TCF7L1: variants seen among roughly 807,000 people sequenced by gnomAD.
The protein encoded by TCF7L1 is transcription factor 7 like 1, also known as transcription factor 7-like 1.
In TCF7L1, 18 loss-of-function variants were observed where a neutral mutation model predicts 63.7. That is an observed-to-expected ratio of 0.28 (90% CI 0.20 to 0.42). The LOEUF is 0.42. Ranked by LOEUF, TCF7L1 falls within the 10% of genes least tolerant of loss-of-function variation. The pLI is 1.00. For synonymous variants in TCF7L1, 355 were observed against 340.9 expected, an observed-to-expected ratio of 1.04 and a Z score of -0.46; for missense variants, 654 against 779.3, an observed-to-expected ratio of 0.84 and a Z score of 1.91.
chr2:85,249,255 C>T (rs1028200268), intron 3 of TCF7L1, among the ~76,000 whole-genome samples: 4 of 152,174 alleles, frequency 2.6e-5, no homozygotes, highest in Admixed American at 6.5e-5. Flanking sequence ...CTGCCACTGC[C>T]GCTACTGCTA....
chr2:85,300,696 T>A (rs1295203563), intron 4 of TCF7L1, among the ~76,000 whole-genome samples: 1 of 151,980 alleles, frequency 6.6e-6, no homozygotes, highest in East Asian at 1.9e-4. Context: ...TCTCATGGAA[T>A]CTACGAAATG....
chr2:85,262,226 C>A, intron 3 of TCF7L1: 1 of 552,064 alleles, frequency 1.8e-6, no homozygotes, highest in Non-Finnish European at 3.7e-6. Context: ...ACACCTGAAT[C>A]TGCGATCTAT....
intron 3 of TCF7L1, among the ~76,000 whole-genome samples, chr2:85,167,735 A>G (rs1574087592): frequency 6.6e-6 from 1 of 152,250 alleles, no homozygotes; most frequent in East Asian, 1.9e-4. Context: ...ATGGTGGCAC[A>G]TGCCCGTAGT....
At chr2:85,135,926 A>C (rs970916302) in intron 3 of TCF7L1, among the ~76,000 whole-genome samples, 1 of 48,118 alleles carries the variant, frequency 2.1e-5, no homozygotes, top group Non-Finnish European at 4.0e-5. Flanking sequence ...GTGCGTGCCA[A>C]TCAAAGGGGG....
chr2:85,242,873 CACTGT>C (rs1680369239), intron 3 of TCF7L1, among the ~76,000 whole-genome samples: 1 of 152,222 alleles, frequency 6.6e-6, no homozygotes. Context: ...TTTCCTAGTA[CACTGT>C]ACTGTTTTAA....
intron 3 of TCF7L1, among the ~76,000 whole-genome samples, chr2:85,166,424 G>C (rs1035286322): frequency 1.3e-5 from 2 of 152,210 alleles, no homozygotes; most frequent in African/African-American, 4.8e-5. Flanking sequence ...GTCCTCAGGG[G>C]TTCAGAGAAG....
chr2:85,282,198 GGCT>G (rs1455557088), intron 3 of TCF7L1, among the ~76,000 whole-genome samples: 51 of 152,236 alleles, frequency 3.4e-4, no homozygotes, highest in African/African-American at 1.2e-3. Flanking sequence ...ATGTTGGCCA[GGCT>G]GGTCTTGAAC....
At chr2:85,231,257 T>C (rs1003206268) in intron 3 of TCF7L1, among the ~76,000 whole-genome samples, 1 of 152,230 alleles carries the variant, frequency 6.6e-6, no homozygotes, top group Admixed American at 6.5e-5. Context: ...CGCTTCCTCC[T>C]AGCATCCTGG....
chr2:85,150,246 T>C (rs568415480), intron 3 of TCF7L1, among the ~76,000 whole-genome samples: 1 of 152,066 alleles, frequency 6.6e-6, no homozygotes, highest in East Asian at 1.9e-4. Flanking sequence ...CTTTTTTTTT[T>C]TTTTTGAGAC....
intron 3 of TCF7L1, among the ~76,000 whole-genome samples, chr2:85,152,067 C>T: frequency 6.6e-6 from 1 of 152,190 alleles, no homozygotes; most frequent in South Asian, 2.1e-4. Context: ...CAAACTGTCC[C>T]ATCTTTAGCC....
chr2:85,204,473 T>C (rs1679350443), intron 3 of TCF7L1, among the ~76,000 whole-genome samples: 2 of 152,178 alleles, frequency 1.3e-5, no homozygotes, highest in South Asian at 2.1e-4. Flanking sequence ...CACCTTTGTG[T>C]GCCCAAACTA....
rs1682108905 is a variant in TCF7L1 at position 85,306,438 on chromosome 2, C to T, written c.1150-14C>T. The T allele has an allele frequency of 6.2e-7, 1 of 1,614,060 alleles. No homozygotes were observed. Among genetic ancestry groups the T allele is most frequent in the Non-Finnish European group, 8.5e-7 (1 of 1,179,976 alleles). On this transcript the variant is annotated splice_polypyrimidine_tract_variant and intron_variant, in intron 9 of 11. Transcript: ENST00000282111. This position sits in a 1 kb window ranked among gnomAD's most constrained non-coding sequence, Gnocchi z 4.3. Reference sequence around the variant, plus strand: ...TTGATGGCTCCGTGTGGTCTCTGACCCTCTCTCCCCCAGTGGCACAACCTG... The same window carrying T: ...TTGATGGCTCCGTGTGGTCTCTGACTCTCTCTCCCCCAGTGGCACAACCTG...
intron 3 of TCF7L1, among the ~76,000 whole-genome samples, chr2:85,148,866 C>T (rs1027154235): frequency 6.6e-6 from 1 of 151,490 alleles, no homozygotes; most frequent in East Asian, 1.9e-4. Flanking sequence ...CTCTGCCCCC[C>T]CAGGTTCAAG....
At chr2:85,257,928 T>C (rs991886718) in intron 3 of TCF7L1, among the ~76,000 whole-genome samples, 5 of 152,350 alleles carry the variant, frequency 3.3e-5, no homozygotes, top group Admixed American at 1.3e-4. Context: ...CCTCTGAGTA[T>C]TTTTAGGCCA....
At chr2:85,205,788 TG>T (rs1209601962) in intron 3 of TCF7L1, among the ~76,000 whole-genome samples, 2 of 152,222 alleles carry the variant, frequency 1.3e-5, no homozygotes, top group Non-Finnish European at 2.9e-5. Flanking sequence ...CCCAAAGTGT[TG>T]GGATTACAGG....
chr2:85,306,810 A>G lies in TCF7L1; in HGVS notation c.1257+251A>G, dbSNP rs943422821. 2.6e-5 allele frequency among the ~76,000 whole-genome samples: 4 copies of G among 152,088 alleles called. No individual in the cohort carries two copies. The highest frequency in any genetic ancestry group is 3.9e-4 in the East Asian group (2 of 5,170). On this transcript the variant is annotated intron_variant, in intron 10 of 11. Coordinates refer to ENST00000282111, the MANE Select transcript of TCF7L1 (RefSeq NM_031283.3). This position sits in a 1 kb window ranked among gnomAD's most constrained non-coding sequence, Gnocchi z 4.3. ...CTCCCGAGTAGCTGGGACTACAGGCACCTGCCACCACACCCGGCTAATTTT... is the reference window on the plus strand; with the variant it reads ...CTCCCGAGTAGCTGGGACTACAGGCGCCTGCCACCACACCCGGCTAATTTT...
At chr2:85,146,953 T>C (rs1226203514) in intron 3 of TCF7L1, among the ~76,000 whole-genome samples, 1 of 152,190 alleles carries the variant, frequency 6.6e-6, no homozygotes, top group Non-Finnish European at 1.5e-5. Context: ...TGCAGCTCTA[T>C]TGATTCTGTT....
At chr2:85,142,481 AATAT>A (rs148154309) in intron 3 of TCF7L1, among the ~76,000 whole-genome samples, 1 of 143,304 alleles carries the variant, frequency 7.0e-6, no homozygotes, top group Non-Finnish European at 1.5e-5. Flanking sequence ...GTATATATAT[AATAT>A]ATATATATAT....
chr2:85,145,066 A>G (rs1677848940), intron 3 of TCF7L1, among the ~76,000 whole-genome samples: 1 of 145,300 alleles, frequency 6.9e-6, no homozygotes. Context: ...CTTTGTTTCA[A>G]AAAAAAAAAA....
Sources: allele counts gnomAD v4.1 joint callset (sites outside exome capture counted in the v4.1 genomes callset), GRCh38; gene constraint gnomAD v4.1.1; non-coding constraint Gnocchi (gnomAD v3.1); transcripts MANE v1.5; gene names NCBI Gene and HGNC (gene_info 2026-07-23, HGNC 2026-07-21).